OTC: variants seen among roughly 807,000 people sequenced by gnomAD.
OTC encodes the protein ornithine transcarbamylase.
A neutral mutation model predicts 30.3 loss-of-function variants in OTC; 3 were observed. The observed-to-expected ratio is 0.10, with a 90% CI of 0.05 to 0.26. OTC has a LOEUF of 0.26. Ranked by LOEUF, OTC falls within the 10% of genes least tolerant of loss-of-function variation. The pLI, the probability that OTC is intolerant of heterozygous loss-of-function variation, is 1.00. For missense variants in OTC, 194 were observed against 260.3 expected, an observed-to-expected ratio of 0.75 and a Z score of 1.75; for synonymous variants, 111 against 99.7, an observed-to-expected ratio of 1.11 and a Z score of -0.67.
chrX:38,340,473 G>GTTTT, the OTC span, among the ~76,000 whole-genome samples: 39 of 56,125 alleles, frequency 6.9e-4, 1 homozygote, highest in African/African-American at 1.2e-3. Context: ...TTTTTTTTTT[G>GTTTT]TTTTTTTTTT....
intron 3 of OTC, among the ~76,000 whole-genome samples, chrX:38,374,748 T>A (rs1225364974): frequency 8.9e-6 from 1 of 111,831 alleles, no homozygotes; most frequent in Non-Finnish European, 1.9e-5. Context: ...AAACTTTGTT[T>A]GAAGTCTTCA....
chrX:38,344,028 A>G, the OTC span, among the ~76,000 whole-genome samples: 1 of 111,377 alleles, frequency 9.0e-6, no homozygotes, highest in Admixed American at 9.6e-5. Flanking sequence ...CATTACCATT[A>G]CCATCTGTTA....
intron 6 of OTC, 138 bp downstream of exon 6, chrX:38,403,878 C>G: frequency 1.6e-6 from 1 of 637,449 alleles, no homozygotes; most frequent in Non-Finnish European, 2.5e-6. Flanking sequence ...GTTACCAGCC[C>G]TACTATTAAA....
chrX:38,340,629 T>G, the OTC span, among the ~76,000 whole-genome samples: 1 of 110,185 alleles, frequency 9.1e-6, no homozygotes, highest in Non-Finnish European at 1.9e-5. Context: ...ATAACATATG[T>G]AAAACATTAT....
At chrX:38,362,712 T>C (rs775096253) in intron 1 of OTC, among the ~76,000 whole-genome samples, 1 of 111,881 alleles carries the variant, frequency 8.9e-6, no homozygotes, top group South Asian at 3.8e-4. Context: ...TAGAAACTTC[T>C]AAGTATGTAG....
At chrX:38,350,088 C>T (rs1219967462), upstream of OTC, among the ~76,000 whole-genome samples, 1 of 110,872 alleles carries the variant, frequency 9.0e-6, no homozygotes, top group Non-Finnish European at 1.9e-5. Flanking sequence ...TCAGGAACCC[C>T]ATCTAATCCC....
chrX:38,329,363 C>A, the OTC span, among the ~76,000 whole-genome samples: 1 of 111,368 alleles, frequency 9.0e-6, no homozygotes, highest in Non-Finnish European at 1.9e-5. Context: ...GAAGGAGGCA[C>A]GTATTTGAGG....
At chrX:38,370,189 TA>T (rs757949875) in intron 3 of OTC, among the ~76,000 whole-genome samples, 1 of 112,517 alleles carries the variant, frequency 8.9e-6, no homozygotes, top group Non-Finnish European at 1.9e-5. Flanking sequence ...GGGTAAGAAA[TA>T]TGTCTATTTT....
At chrX:38,373,095 T>A (rs2068330431) in intron 3 of OTC, among the ~76,000 whole-genome samples, 1 of 112,024 alleles carries the variant, frequency 8.9e-6, no homozygotes. Flanking sequence ...AGCGTATAGA[T>A]CGATGAATTC....
intron 4 of OTC, among the ~76,000 whole-genome samples, chrX:38,388,677 T>A (rs2068416687): frequency 8.9e-6 from 1 of 111,890 alleles, no homozygotes; most frequent in East Asian, 2.8e-4. Context: ...CCCAGTCATT[T>A]GTCTTCTAAT....
At position 38,412,672 on chromosome X, in the gene OTC, A is replaced by AT. The variant is rs751347384; in HGVS notation, c.1005+680dup. ...CTGACATGTCTAACTTAGCTCCACC[A>AT]TTTTTTTAGCTTTTAGTGACTTAAC... On this transcript the variant is annotated intron_variant, in intron 9 of 9. Transcript: ENST00000039007. Among the ~76,000 whole-genome samples, 8 of 111,853 alleles carry AT rather than the reference A, an allele frequency of 7.2e-5. No individual in the cohort carries two copies. In the East Asian group the frequency reaches 2.0e-3, roughly 27 times the overall value.
At chrX:38,331,072 T>A in the OTC span, among the ~76,000 whole-genome samples, 1 of 111,711 alleles carries the variant, frequency 9.0e-6, no homozygotes, top group Non-Finnish European at 1.9e-5. Context: ...ACACAATAAA[T>A]ATCTGTTGAA....
At chrX:38,405,297 T>C (rs1447299629) in intron 6 of OTC, among the ~76,000 whole-genome samples, 1 of 111,691 alleles carries the variant, frequency 9.0e-6, no homozygotes, top group Non-Finnish European at 1.9e-5. Context: ...CTTAAAACAA[T>C]ACAAATTTAC....
chrX:38,365,559 G>T (rs764603906), intron 1 of OTC, among the ~76,000 whole-genome samples: 28 of 112,361 alleles, frequency 2.5e-4, no homozygotes, highest in Non-Finnish European at 4.7e-4. Context: ...GAAACCAAGA[G>T]AGGGGTTGGA....
At chrX:38,371,781 A>G (rs2068324129) in intron 3 of OTC, among the ~76,000 whole-genome samples, 1 of 112,162 alleles carries the variant, frequency 8.9e-6, no homozygotes, top group Non-Finnish European at 1.9e-5. Context: ...GAAAACAGAT[A>G]AGAACATTTT....
intron 4 of OTC, among the ~76,000 whole-genome samples, chrX:38,400,072 C>G (rs141955009): frequency 0.023 from 2,541 of 110,386 alleles, 75 homozygotes; most frequent in African/African-American, 0.081. Context: ...TCTTTCACAC[C>G]TTTTTGATGT....
intron 1 of OTC, among the ~76,000 whole-genome samples, chrX:38,363,793 C>T (rs911611478): frequency 9.0e-6 from 1 of 111,572 alleles, no homozygotes; most frequent in African/African-American, 3.3e-5. Context: ...CTTTAGCCAG[C>T]AAAATGTCTT....
chrX:38,370,760 G>C (rs1279659801), intron 3 of OTC, among the ~76,000 whole-genome samples: 1 of 110,546 alleles, frequency 9.0e-6, no homozygotes, highest in South Asian at 3.9e-4. Flanking sequence ...CTTTTCACCC[G>C]ATAAACCCTG....
chrX:38,397,416 G>A (rs2068463185), intron 4 of OTC, among the ~76,000 whole-genome samples: 1 of 111,423 alleles, frequency 9.0e-6, no homozygotes, highest in African/African-American at 3.3e-5. Context: ...ATTTTATTCT[G>A]CCCAATAACG....
Sources: allele counts gnomAD v4.1 joint callset (sites outside exome capture counted in the v4.1 genomes callset), GRCh38; gene constraint gnomAD v4.1.1; transcripts MANE v1.5; gene names NCBI Gene and HGNC (gene_info 2026-07-23, HGNC 2026-07-21).